Variants in TENM1 observed in about 807,000 individuals in gnomAD.
The protein encoded by TENM1 is teneurin transmembrane protein 1, also known as teneurin-1.
A neutral mutation model predicts 174.8 loss-of-function variants in TENM1; 35 were observed. The ratio of observed to expected loss-of-function variants is 0.20; its 90% CI spans 0.15 to 0.27. The LOEUF is 0.27. TENM1 is among the 10% of genes least tolerant of loss of function. TENM1 has a pLI of 1.00. For missense variants in TENM1, 1,633 were observed against 2,130.1 expected (o/e 0.77, Z 4.59); for synonymous variants, 781 against 798.7 (o/e 0.98, Z 0.37).
At chrX:124,626,887 T>G (rs939275347) in intron 11 of TENM1, among the ~76,000 whole-genome samples, 3 of 112,426 alleles carry the variant, frequency 2.7e-5, no homozygotes, top group Non-Finnish European at 5.6e-5. Context: ...GATAAATCTG[T>G]AAGAAAGTTT....
chrX:124,697,153 G>T (rs1041974683), intron 5 of TENM1, among the ~76,000 whole-genome samples: 1 of 111,470 alleles, frequency 9.0e-6, no homozygotes, highest in African/African-American at 3.3e-5. Context: ...TCAAACATTT[G>T]TGAGGCCCTT....
chrX:124,564,299 A>G (rs1403024836), intron 12 of TENM1, among the ~76,000 whole-genome samples: 1 of 112,214 alleles, frequency 8.9e-6, no homozygotes. Context: ...CTGTACCTTT[A>G]GTAGAGAAGT....
chrX:125,126,645 T>C, the TENM1 span, among the ~76,000 whole-genome samples: 1 of 110,131 alleles, frequency 9.1e-6, no homozygotes, highest in Non-Finnish European at 1.9e-5. Flanking sequence ...TTATATGCTC[T>C]AAATTGGTCT....
intron 1 of TENM1, among the ~76,000 whole-genome samples, chrX:124,941,023 A>C: frequency 9.0e-6 from 1 of 111,663 alleles, no homozygotes; most frequent in African/African-American, 3.3e-5. Flanking sequence ...AAAAAAACAA[A>C]TTAATGAGAC....
At chrX:125,158,401 C>CAAAAAAA in the TENM1 span, among the ~76,000 whole-genome samples, 17 of 36,521 alleles carry the variant, frequency 4.7e-4, no homozygotes, top group East Asian at 1.1e-3. Context: ...GAATCCATCT[C>CAAAAAAA]AAAAAAAAAA....
the TENM1 span, among the ~76,000 whole-genome samples, chrX:125,022,595 C>A: frequency 3.1e-4 from 34 of 111,101 alleles, no homozygotes; most frequent in African/African-American, 1.0e-3. Flanking sequence ...AAAGCTCCAG[C>A]CTCAAATATG....
At chrX:124,855,719 C>T (rs760500998) in intron 3 of TENM1, among the ~76,000 whole-genome samples, 49 of 111,285 alleles carry the variant, frequency 4.4e-4, no homozygotes, top group African/African-American at 1.2e-3. Context: ...AGTTTCTGCC[C>T]GTCTCTATAA....
At chrX:124,739,471 A>C (rs1359284072) in intron 3 of TENM1, among the ~76,000 whole-genome samples, 1 of 111,265 alleles carries the variant, frequency 9.0e-6, no homozygotes, top group African/African-American at 3.3e-5. Context: ...CCCATGCCAG[A>C]TGATTTCTTT....
At chrX:124,428,080 G>A (rs773380735) in intron 23 of TENM1, among the ~76,000 whole-genome samples, 32 of 112,011 alleles carry the variant, frequency 2.9e-4, no homozygotes, top group Non-Finnish European at 4.9e-4. Context: ...ACATTAATTT[G>A]TTTGAAATGT....
At chrX:124,471,243 TATA>T (rs1310515649) in intron 22 of TENM1, among the ~76,000 whole-genome samples, 5 of 65,182 alleles carry the variant, frequency 7.7e-5, no homozygotes, top group African/African-American at 2.6e-4. Context: ...ATATATAATA[TATA>T]ATAATATATA....
chrX:124,811,315 T>C (rs182139334), intron 3 of TENM1, among the ~76,000 whole-genome samples: 2 of 111,486 alleles, frequency 1.8e-5, no homozygotes, highest in Admixed American at 1.9e-4. Flanking sequence ...AACAACTCAA[T>C]AGCAAGAAAA....
chrX:124,769,907 C>T (rs2054617062), intron 3 of TENM1, among the ~76,000 whole-genome samples: 1 of 111,485 alleles, frequency 9.0e-6, no homozygotes, highest in Non-Finnish European at 1.9e-5. Flanking sequence ...CCTATGTACA[C>T]CTAAACTAAG....
At chrX:124,453,739 T>C (rs1273068420) in intron 22 of TENM1, among the ~76,000 whole-genome samples, 2 of 111,256 alleles carry the variant, frequency 1.8e-5, no homozygotes, top group Non-Finnish European at 3.8e-5. Context: ...TTTGTCCAGT[T>C]TTACATTTCC....
intron 3 of TENM1, among the ~76,000 whole-genome samples, chrX:124,846,373 C>T (rs1202191807): frequency 9.0e-6 from 1 of 111,391 alleles, no homozygotes; most frequent in Non-Finnish European, 1.9e-5. Flanking sequence ...TTCCAATTGC[C>T]ATTAAATATA....
At chrX:124,588,781 G>C (rs1448806778) in intron 11 of TENM1, among the ~76,000 whole-genome samples, 1 of 112,085 alleles carries the variant, frequency 8.9e-6, no homozygotes, top group Non-Finnish European at 1.9e-5. Flanking sequence ...TCCTGTATCA[G>C]TTCCAGGAGC....
chrX:124,866,693 G>C (rs2057014315), intron 3 of TENM1, among the ~76,000 whole-genome samples: 1 of 110,811 alleles, frequency 9.0e-6, no homozygotes, highest in South Asian at 3.7e-4. Flanking sequence ...CAATGAAACT[G>C]AAATGAAAAA....
chrX:124,588,199 C>A (rs1023883358), intron 11 of TENM1, among the ~76,000 whole-genome samples: 1 of 111,027 alleles, frequency 9.0e-6, no homozygotes, highest in African/African-American at 3.3e-5. Flanking sequence ...GGGTATATAC[C>A]CAAAGGACTA....
the TENM1 span, among the ~76,000 whole-genome samples, chrX:125,173,595 C>G: frequency 9.0e-6 from 1 of 111,209 alleles, no homozygotes; most frequent in Admixed American, 9.6e-5. Context: ...CCTTTTAAAG[C>G]ATTGGAACTC....
At chrX:124,958,345 T>C (rs1372844546) in intron 1 of TENM1, among the ~76,000 whole-genome samples, 1 of 111,645 alleles carries the variant, frequency 9.0e-6, no homozygotes, top group Non-Finnish European at 1.9e-5. Flanking sequence ...AAGTCTTCAA[T>C]TGGATAAAAC....
Sources: allele counts gnomAD v4.1 joint callset (sites outside exome capture counted in the v4.1 genomes callset), GRCh38; gene constraint gnomAD v4.1.1; transcripts MANE v1.5; gene names NCBI Gene and HGNC (gene_info 2026-07-23, HGNC 2026-07-21).